The following NXPE2 variants were observed in gnomAD, a reference collection of about 807,000 sequenced individuals.
NXPE2 encodes NXPE family member 2.
NXPE2 carries 34 observed loss-of-function variants against 34.4 expected under a neutral mutation model. The ratio of observed to expected loss-of-function variants is 0.99; its 90% confidence interval spans 0.75 to 1.31. The LOEUF (loss-of-function observed/expected upper bound fraction) is 1.31. Among genes scored for constraint, NXPE2 ranks in the 40% most tolerant of loss-of-function variants. The pLI is 0.00. For synonymous variants in NXPE2, 235 were observed against 231.3 expected (o/e 1.02, Z -0.15); for missense variants, 649 against 672.5 (o/e 0.97, Z 0.39).
At chr11:114,480,191 A>T in the NXPE2 span, among the ~76,000 whole-genome samples, 1 of 151,812 alleles carries the variant, frequency 6.6e-6, no homozygotes, top group Admixed American at 6.6e-5. Context: ...AAGCCTCTAG[A>T]TGGAGAAGGA....
chr11:114,646,278 T>C, the NXPE2 span, among the ~76,000 whole-genome samples: 1 of 151,790 alleles, frequency 6.6e-6, no homozygotes, highest in African/African-American at 2.4e-5. Context: ...CTTCTAGTTT[T>C]TCAAGAATTT....
the NXPE2 span, among the ~76,000 whole-genome samples, chr11:114,671,803 T>C: frequency 6.6e-6 from 1 of 152,130 alleles, no homozygotes; most frequent in Admixed American, 6.6e-5. Flanking sequence ...GGAGAATTCC[T>C]CAGTTTGAAA....
At chr11:114,786,692 C>G in the NXPE2 span, among the ~76,000 whole-genome samples, 1 of 152,242 alleles carries the variant, frequency 6.6e-6, no homozygotes, top group East Asian at 1.9e-4. Context: ...AGAAGAAACA[C>G]CCATATCATT....
At chr11:114,577,056 TA>T in the NXPE2 span, among the ~76,000 whole-genome samples, 1 of 31,408 alleles carries the variant, frequency 3.2e-5, no homozygotes, top group Non-Finnish European at 5.6e-5. Flanking sequence ...TATATATATA[TA>T]CATATATATA....
chr11:114,633,382 T>C, the NXPE2 span, among the ~76,000 whole-genome samples: 2 of 143,700 alleles, frequency 1.4e-5, no homozygotes, highest in African/African-American at 5.1e-5. Flanking sequence ...TATTATGTAT[T>C]ATATTATATA....
the NXPE2 span, chr11:114,583,256 G>T: frequency 1.5e-6 from 1 of 667,814 alleles, no homozygotes; most frequent in African/African-American, 1.8e-5. Flanking sequence ...GAGCAAGATG[G>T]CGCAAAGGCA....
At chr11:114,642,122 A>G in the NXPE2 span, among the ~76,000 whole-genome samples, 1 of 152,044 alleles carries the variant, frequency 6.6e-6, no homozygotes, top group Non-Finnish European at 1.5e-5. Context: ...TACCTCAGCT[A>G]GATGATCAAG....
chr11:114,488,190 G>C, the NXPE2 span, among the ~76,000 whole-genome samples: 9 of 152,108 alleles, frequency 5.9e-5, no homozygotes, highest in African/African-American at 2.2e-4. Context: ...CTTGTGATTG[G>C]CCTATTTAGG....
At chr11:114,664,412 T>C in the NXPE2 span, among the ~76,000 whole-genome samples, 1 of 152,132 alleles carries the variant, frequency 6.6e-6, no homozygotes, top group African/African-American at 2.4e-5. Flanking sequence ...TTGATTGTGG[T>C]GGTAGTTACA....
At chr11:114,557,422 T>G in the NXPE2 span, among the ~76,000 whole-genome samples, 5 of 151,886 alleles carry the variant, frequency 3.3e-5, no homozygotes, top group African/African-American at 1.2e-4. Flanking sequence ...TTTCACATTT[T>G]CTTGCTATAG....
At chr11:114,502,931 G>A in the NXPE2 span, among the ~76,000 whole-genome samples, 1 of 152,210 alleles carries the variant, frequency 6.6e-6, no homozygotes, top group African/African-American at 2.4e-5. Context: ...GCCACTGGGA[G>A]TGGCTAGGAG....
At chr11:114,598,402 C>A in the NXPE2 span, among the ~76,000 whole-genome samples, 6 of 144,388 alleles carry the variant, frequency 4.2e-5, no homozygotes, top group Admixed American at 4.2e-4. Flanking sequence ...CTAGGCAGTG[C>A]CCCAGTGGGG....
the NXPE2 span, among the ~76,000 whole-genome samples, chr11:114,627,732 T>A: frequency 0.016 from 2,450 of 152,102 alleles, 72 homozygotes; most frequent in African/African-American, 0.054. Flanking sequence ...GGCAAATTGG[T>A]TAAAGAGTCA....
the NXPE2 span, among the ~76,000 whole-genome samples, chr11:114,736,027 C>A: frequency 1.1e-4 from 17 of 152,190 alleles, no homozygotes; most frequent in Admixed American, 2.6e-4. Context: ...AGCCATAAAA[C>A]CAGCAAGGGG....
chr11:114,561,567 C>G, the NXPE2 span, among the ~76,000 whole-genome samples: 1 of 152,046 alleles, frequency 6.6e-6, no homozygotes, highest in African/African-American at 2.4e-5. Flanking sequence ...TTTTTTCTTC[C>G]TAAATAGATG....
intron 2 of NXPE2, among the ~76,000 whole-genome samples, chr11:114,694,780 T>C (rs1172613299): frequency 6.6e-6 from 1 of 152,156 alleles, no homozygotes; most frequent in Non-Finnish European, 1.5e-5. Context: ...TAGCATTTCC[T>C]TTTGACTGTT....
At chr11:114,610,310 C>T in the NXPE2 span, among the ~76,000 whole-genome samples, 20 of 151,414 alleles carry the variant, frequency 1.3e-4, no homozygotes, top group African/African-American at 4.1e-4. Flanking sequence ...AGTGTGTAAC[C>T]ACTGTTATCC....
the NXPE2 span, chr11:114,530,887 A>T: frequency 4.3e-6 from 7 of 1,611,818 alleles, no homozygotes; most frequent in Admixed American, 1.7e-5. Flanking sequence ...ACAGAGATGG[A>T]TAAGTTTAGA....
the NXPE2 span, among the ~76,000 whole-genome samples, chr11:114,534,065 C>T: frequency 9.9e-5 from 15 of 152,266 alleles, no homozygotes; most frequent in Non-Finnish European, 1.3e-4. Flanking sequence ...CTCACACTGC[C>T]GGGTACTCCT....
Sources: allele counts gnomAD v4.1 joint callset (sites outside exome capture counted in the v4.1 genomes callset), GRCh38; gene constraint gnomAD v4.1.1; transcripts MANE v1.5; gene names NCBI Gene and HGNC (gene_info 2026-07-23, HGNC 2026-07-21).